CHD6: variants seen among roughly 807,000 people sequenced by gnomAD.
CHD6 encodes ATP-dependent chromatin remodeler CHD6.
In CHD6, 50 loss-of-function variants were observed where a neutral mutation model predicts 276.9. The ratio of observed to expected loss-of-function variants is 0.18; its 90% CI spans 0.14 to 0.23. The LOEUF is 0.23. Ranked by LOEUF, CHD6 falls within the 10% of genes least tolerant of loss-of-function variation. The pLI is 1.00. For synonymous variants in CHD6, 1,173 were observed against 1,229.3 expected (o/e 0.95, Z 0.96); for missense variants, 2,564 against 3,365.8 (o/e 0.76, Z 5.89).
At chr20:41,412,292 A>C (rs2046863751) in intron 35 of CHD6, 29 bp from the exon 36 acceptor site, 14 of 1,612,768 alleles carry the variant, frequency 8.7e-6, no homozygotes, top group Non-Finnish European at 1.2e-5. Context: ...CCAATATTAC[A>C]AAACATGCTA....
At chr20:41,412,627 G>A (rs1200784354) in intron 35 of CHD6, among the ~76,000 whole-genome samples, 2 of 152,188 alleles carry the variant, frequency 1.3e-5, no homozygotes, top group East Asian at 3.9e-4. Flanking sequence ...TGTCTCTGGA[G>A]GGTGCACATC....
At chr20:41,506,037 C>T (rs906855251) in intron 5 of CHD6, among the ~76,000 whole-genome samples, 1 of 152,068 alleles carries the variant, frequency 6.6e-6, no homozygotes, top group Non-Finnish European at 1.5e-5. Context: ...TCTGACTGGC[C>T]TAGAAATCTT....
At chr20:41,453,331 C>A (rs1468544236) in intron 20 of CHD6, among the ~76,000 whole-genome samples, 4 of 152,212 alleles carry the variant, frequency 2.6e-5, no homozygotes, top group Admixed American at 6.5e-5. Flanking sequence ...ACTCTGGAGA[C>A]AAGACAAGCT....
chr20:41,482,611 G>A (rs1600973912), intron 16 of CHD6: 1 of 472,480 alleles, frequency 2.1e-6, no homozygotes, highest in African/African-American at 2.0e-5. Context: ...CATTAAGAAT[G>A]AATTTTTAAA....
chr20:41,430,812 A>G (rs1488182269), intron 27 of CHD6, among the ~76,000 whole-genome samples: 1 of 152,140 alleles, frequency 6.6e-6, no homozygotes, highest in African/African-American at 2.4e-5. Flanking sequence ...ATTCCAGACA[A>G]AAGCAATAAT....
At chr20:41,443,765 C>G (rs6072372) in intron 25 of CHD6, among the ~76,000 whole-genome samples, 20,470 of 152,118 alleles carry the variant, frequency 0.13, 1,609 homozygotes, top group South Asian at 0.18. Flanking sequence ...CTTTCAAAGT[C>G]ATGTTTTCCA....
intron 31 of CHD6, among the ~76,000 whole-genome samples, chr20:41,419,576 A>AAAAAG (rs2047118205): frequency 7.3e-6 from 1 of 136,986 alleles, no homozygotes; most frequent in African/African-American, 3.1e-5. Context: ...AAAAAAAAAA[A>AAAAAG]AAAAAAAAAA....
chr20:41,516,640 T>C (rs2044259855), intron 3 of CHD6, among the ~76,000 whole-genome samples: 1 of 152,128 alleles, frequency 6.6e-6, no homozygotes. Flanking sequence ...AACAGTGTTT[T>C]GGATACATTT....
chr20:41,578,045 G>A (rs1364263096), intron 1 of CHD6, among the ~76,000 whole-genome samples: 1 of 152,148 alleles, frequency 6.6e-6, no homozygotes, highest in Non-Finnish European at 1.5e-5. Context: ...GAAAAAATAC[G>A]TGATAACAGC....
chr20:41,589,066 C>A (rs976493211), intron 1 of CHD6, among the ~76,000 whole-genome samples: 1 of 151,956 alleles, frequency 6.6e-6, no homozygotes. Context: ...GTTCAACATA[C>A]GCAAATCAAT....
intron 14 of CHD6, chr20:41,486,091 T>G (rs1470056769): frequency 5.3e-5 from 8 of 152,150 alleles, no homozygotes; most frequent in Non-Finnish European, 1.0e-4. Flanking sequence ...CAAGGGTACT[T>G]AGAAATCGAA....
chr20:41,608,756 G>C (rs755311348), intron 1 of CHD6, among the ~76,000 whole-genome samples: 8 of 152,118 alleles, frequency 5.3e-5, no homozygotes, highest in Non-Finnish European at 4.4e-5. Flanking sequence ...AAGTAGCTTT[G>C]GTTTCAGAGA....
At chr20:41,545,710 G>C (rs2045026531) in intron 2 of CHD6, among the ~76,000 whole-genome samples, 1 of 151,972 alleles carries the variant, frequency 6.6e-6, no homozygotes, top group South Asian at 2.1e-4. Flanking sequence ...ATTATTCTTT[G>C]TCCTAGTTCA....
intron 1 of CHD6, among the ~76,000 whole-genome samples, chr20:41,584,652 A>T (rs1016885967): frequency 1.8e-4 from 28 of 152,348 alleles, no homozygotes; most frequent in African/African-American, 6.7e-4. Flanking sequence ...ATTTGAAATT[A>T]ACAGAAAGAT....
At chr20:41,615,936 A>G (rs1484537794) in intron 1 of CHD6, among the ~76,000 whole-genome samples, 2 of 152,268 alleles carry the variant, frequency 1.3e-5, no homozygotes, top group African/African-American at 4.8e-5. Context: ...TCTCCAACAC[A>G]TAGTAGCCCA....
chr20:41,546,006 C>T (rs1322764287), intron 2 of CHD6, among the ~76,000 whole-genome samples: 5 of 152,070 alleles, frequency 3.3e-5, no homozygotes, highest in Non-Finnish European at 4.4e-5. Flanking sequence ...CTGGCTCTTC[C>T]GAGGCATATT....
intron 1 of CHD6, among the ~76,000 whole-genome samples, chr20:41,613,286 A>G (rs2045906033): frequency 6.6e-6 from 1 of 152,236 alleles, no homozygotes; most frequent in African/African-American, 2.4e-5. Flanking sequence ...TTTTCCTCCT[A>G]ACATATTGAA....
At chr20:41,554,078 A>C (rs1277983797) in intron 1 of CHD6, among the ~76,000 whole-genome samples, 4 of 152,180 alleles carry the variant, frequency 2.6e-5, no homozygotes, top group Non-Finnish European at 5.9e-5. Flanking sequence ...TGAGTCTGGG[A>C]GGTCCAAGCT....
intron 3 of CHD6, among the ~76,000 whole-genome samples, chr20:41,530,921 T>C (rs2044668750): frequency 6.6e-6 from 1 of 152,228 alleles, no homozygotes; most frequent in Non-Finnish European, 1.5e-5. Context: ...TGCCAAGCAC[T>C]TCTCCAACTC....
Sources: allele counts gnomAD v4.1 joint callset (sites outside exome capture counted in the v4.1 genomes callset), GRCh38; gene constraint gnomAD v4.1.1; transcripts MANE v1.5; gene names NCBI Gene and HGNC (gene_info 2026-07-23, HGNC 2026-07-21).